Variants in SH3PXD2A observed in about 807,000 individuals in gnomAD.
The protein encoded by SH3PXD2A is SH3 and PX domain-containing protein 2A.
A neutral mutation model predicts 115.2 loss-of-function variants in SH3PXD2A; 32 were observed. That is an observed-to-expected ratio of 0.28 (90% CI 0.21 to 0.37). The LOEUF is 0.37. Among genes scored for constraint, SH3PXD2A ranks in the 10% least tolerant of loss-of-function variants. SH3PXD2A has a pLI of 1.00. For synonymous variants in SH3PXD2A, 610 were observed against 629.1 expected (o/e 0.97, Z 0.45); for missense variants, 1,328 against 1,498.7 (o/e 0.89, Z 1.88).
At chr10:103,659,886 G>A (rs764779036) in intron 8 of SH3PXD2A, among the ~76,000 whole-genome samples, 2 of 152,112 alleles carry the variant, frequency 1.3e-5, no homozygotes, top group Non-Finnish European at 1.5e-5. Context: ...CACAGCTCCT[G>A]GCCACCAGGA....
At chr10:103,762,953 A>G (rs2038716350) in intron 3 of SH3PXD2A, among the ~76,000 whole-genome samples, 1 of 150,844 alleles carries the variant, frequency 6.6e-6, no homozygotes, top group Non-Finnish European at 1.5e-5. Context: ...CCAAGAGCCA[A>G]TGAGCCCTGT....
intron 9 of SH3PXD2A, among the ~76,000 whole-genome samples, chr10:103,623,884 G>T (rs973647274): frequency 6.6e-6 from 1 of 152,224 alleles, no homozygotes; most frequent in Non-Finnish European, 1.5e-5. Flanking sequence ...GAGATGAAGG[G>T]GTTCAGCTCA....
At chr10:103,811,423 A>C (rs984017137) in intron 1 of SH3PXD2A, among the ~76,000 whole-genome samples, 1 of 152,236 alleles carries the variant, frequency 6.6e-6, no homozygotes, top group African/African-American at 2.4e-5. Context: ...TGTTTGAATT[A>C]TCTCACTTAC....
intron 5 of SH3PXD2A, among the ~76,000 whole-genome samples, chr10:103,701,759 C>T (rs57495292): frequency 1.8e-4 from 25 of 139,496 alleles, no homozygotes; most frequent in Admixed American, 2.8e-4. Context: ...CGTCCATCAT[C>T]CATCCAGCCA....
At chr10:103,668,779 G>A (rs374917622) in intron 6 of SH3PXD2A, 127 bp from the exon 7 acceptor site, 45 of 789,966 alleles carry the variant, frequency 5.7e-5, no homozygotes, top group Non-Finnish European at 8.0e-5. Flanking sequence ...GGCGGAAGGC[G>A]GAGGAGGGAG....
At chr10:103,739,305 C>T (rs1395027186) in intron 3 of SH3PXD2A, among the ~76,000 whole-genome samples, 1 of 152,238 alleles carries the variant, frequency 6.6e-6, no homozygotes, top group Non-Finnish European at 1.5e-5. Context: ...ATCTGCTGCT[C>T]ACTTGCAAGG....
At chr10:103,617,517 G>A (rs1294664863) in intron 10 of SH3PXD2A, among the ~76,000 whole-genome samples, 1 of 152,206 alleles carries the variant, frequency 6.6e-6, no homozygotes, top group African/African-American at 2.4e-5. Flanking sequence ...GGTCACTGCT[G>A]CTCCCAGTGT....
intron 8 of SH3PXD2A, among the ~76,000 whole-genome samples, chr10:103,655,051 G>A (rs1436445021): frequency 2.0e-5 from 3 of 152,174 alleles, no homozygotes; most frequent in African/African-American, 7.2e-5. Flanking sequence ...TGTGAAGTGG[G>A]TAACGGCTGC....
In SH3PXD2A at chr10:103,746,276, C is replaced by T. The variant is rs1219860557; in HGVS notation, c.230-10468G>A. 1 of 152,218 alleles carries T rather than the reference C, an allele frequency of 6.6e-6. No individual in the cohort carries two copies. Among genetic ancestry groups the T allele is most frequent in the Non-Finnish European group, 1.5e-5 (1 of 68,054 alleles). The allele number at this position is 152,218 out of a possible 1,614,324, so 9.4% of individuals were successfully genotyped here. ...ATGGAATGGAAGTCTTTTTGAGCAG[C>T]ATTCTAGAGCAGTGGGACCAGAACC... On this transcript the variant is annotated intron_variant, in intron 3 of 14. Coordinates refer to ENST00000369774, the MANE Select transcript of SH3PXD2A (RefSeq NM_001394015.1). This position sits in a 1 kb window ranked among gnomAD's most constrained non-coding sequence, Gnocchi z 4.4.
intron 2 of SH3PXD2A, among the ~76,000 whole-genome samples, chr10:103,781,234 CA>C (rs2038928725): frequency 6.6e-6 from 1 of 152,228 alleles, no homozygotes; most frequent in Non-Finnish European, 1.5e-5. Flanking sequence ...ATACATTTCC[CA>C]GCCTCCCTTG....
chr10:103,751,087 A>G (rs1001308540), intron 3 of SH3PXD2A, among the ~76,000 whole-genome samples: 2 of 152,254 alleles, frequency 1.3e-5, no homozygotes, highest in Non-Finnish European at 2.9e-5. Context: ...AAGATGAATG[A>G]GGATAATAAG....
chr10:103,826,751 T>C (rs10883918), intron 1 of SH3PXD2A, among the ~76,000 whole-genome samples: 26,327 of 152,240 alleles, frequency 0.17, 3,092 homozygotes, highest in East Asian at 0.46. Context: ...GAAATTGTTT[T>C]GGTTCACCCG....
intron 6 of SH3PXD2A, among the ~76,000 whole-genome samples, chr10:103,681,998 T>G (rs2037616841): frequency 6.6e-6 from 1 of 152,234 alleles, no homozygotes; most frequent in South Asian, 2.1e-4. Context: ...GAATCTGTAT[T>G]TCAATGAGCA....
rs2038907786 is a variant in SH3PXD2A, at chr10:103,779,064, A to G, written c.154-11895T>C. Reference sequence around the variant, plus strand: ...CACAGAACCTGAGGCATGGCTTCTTACTATGTTTATGTTTTTGTTTTTGAG... The same window carrying G: ...CACAGAACCTGAGGCATGGCTTCTTGCTATGTTTATGTTTTTGTTTTTGAG... On this transcript the variant is annotated intron_variant, in intron 2 of 14. Coordinates refer to ENST00000369774, the MANE Select transcript of SH3PXD2A (RefSeq NM_001394015.1). 2.0e-5 allele frequency among the ~76,000 whole-genome samples: 3 copies of G among 152,182 alleles called. No homozygotes were observed. The South Asian group carries it at 6.2e-4, about 32-fold the overall frequency.
At chr10:103,625,070 G>A (rs2036671581) in intron 9 of SH3PXD2A, among the ~76,000 whole-genome samples, 1 of 152,156 alleles carries the variant, frequency 6.6e-6, no homozygotes, top group Non-Finnish European at 1.5e-5. Flanking sequence ...GCCTCTGAAC[G>A]CAGAATCTGC....
At chr10:103,669,539 T>C (rs553663214) in intron 6 of SH3PXD2A, among the ~76,000 whole-genome samples, 6 of 152,252 alleles carry the variant, frequency 3.9e-5, no homozygotes, top group Non-Finnish European at 8.8e-5. Context: ...GTCAAAAGCA[T>C]TGATGCAGTC....
At chr10:103,685,271 G>A (rs1389657685) in intron 6 of SH3PXD2A, among the ~76,000 whole-genome samples, 2 of 150,058 alleles carry the variant, frequency 1.3e-5, no homozygotes, top group Non-Finnish European at 3.0e-5. Context: ...CCCAGGAGGT[G>A]GAGGTTGCAG....
intron 5 of SH3PXD2A, among the ~76,000 whole-genome samples, chr10:103,722,132 C>T (rs1160095797): frequency 4.0e-5 from 6 of 151,758 alleles, no homozygotes; most frequent in Middle Eastern, 3.2e-3. Flanking sequence ...GGTGAAACCC[C>T]GTCTCTACTA....
chr10:103,681,746 ACACACACGCGCCCGCGCGCGCGCGCG>A (rs2037611473), intron 6 of SH3PXD2A, among the ~76,000 whole-genome samples: 2 of 141,298 alleles, frequency 1.4e-5, no homozygotes, highest in Non-Finnish European at 3.1e-5. Flanking sequence ...TCCATCACAC[ACACACACGCGCCCGCGCGCGCGCGCG>A]CACACACACA....
Sources: allele counts gnomAD v4.1 joint callset (sites outside exome capture counted in the v4.1 genomes callset), GRCh38; gene constraint gnomAD v4.1.1; non-coding constraint Gnocchi (gnomAD v3.1); transcripts MANE v1.5; gene names NCBI Gene and HGNC (gene_info 2026-07-23, HGNC 2026-07-21).